Variants in HHLA1 observed in about 807,000 individuals in gnomAD.
HHLA1 encodes HERV-H LTR-associating protein 1.
In HHLA1, 72 loss-of-function variants were observed where a neutral mutation model predicts 69.9. The ratio of observed to expected loss-of-function variants is 1.03; its 90% CI spans 0.85 to 1.25. The LOEUF is 1.25. Ranked by LOEUF, HHLA1 falls within the 50% of genes most tolerant of loss-of-function variation. The pLI is 0.00. For missense variants in HHLA1, 685 were observed against 642.2 expected (o/e 1.07, Z -0.72); for synonymous variants, 252 against 233.2 (o/e 1.08, Z -0.73).
In HHLA1 at chr8:132,104,122, A is replaced by G; in HGVS notation, c.125T>C (p.Phe42Ser). Residue 42 changes from phenylalanine (F) to serine (S), a missense_variant, in exon 3 of 17, where the codon TTT becomes TCT. By Grantham distance (155) the Phe-to-Ser change is radical. Coordinates refer to ENST00000414222, the MANE Select transcript of HHLA1 (RefSeq NM_001145095.3). ...CACCCACTTACCTGTTGTAGGTAAA[A>G]AGGTCATTCCCTTCTCTTTCTTGGC... The part of the protein sequence containing the change: ...GEAKKEKGMT[F>S]LPTTVSGLRE... The G allele has an allele frequency of 6.4e-7, 1 of 1,550,892 alleles. No homozygotes were observed. The highest frequency in any genetic ancestry group is 8.7e-7 in the Non-Finnish European group (1 of 1,146,254).
At chr8:132,071,186 A>G (rs1823534135) in intron 15 of HHLA1, among the ~76,000 whole-genome samples, 154 bp downstream of exon 15, 1 of 152,198 alleles carries the variant, frequency 6.6e-6, no homozygotes. Flanking sequence ...TGTCTAGTAA[A>G]GGACTCACTG....
In HHLA1 at chr8:132,063,935, C is replaced by A; in HGVS notation, c.*60G>T. The A allele has an allele frequency of 1.1e-6, 1 of 943,982 alleles. No homozygotes were observed. The highest frequency in any genetic ancestry group is 1.7e-5 in the South Asian group (1 of 60,074). The allele number at this position is 943,982 out of a possible 1,614,324, so 58.5% of individuals were successfully genotyped here. On this transcript the variant is annotated 3_prime_UTR_variant, in exon 17 of 17. Transcript: ENST00000414222. ...AAATGTAGCCCACTTGGGACAAGAG[C>A]CAGGGTGGATGGCGTATCCCCTGAA...
intron 14 of HHLA1, 75 bp from the exon 15 acceptor site, chr8:132,071,568 C>G: frequency 7.2e-7 from 1 of 1,392,570 alleles, no homozygotes; most frequent in Non-Finnish European, 9.9e-7. Context: ...AGCCCTGCAT[C>G]AGGTGAATAT....
chr8:132,104,725 G>A (rs551143767), intron 2 of HHLA1, among the ~76,000 whole-genome samples: 1 of 152,272 alleles, frequency 6.6e-6, no homozygotes, highest in South Asian at 2.1e-4. Flanking sequence ...TGGTGAGGGA[G>A]GCAGGGTCAC....
intron 15 of HHLA1, 83 bp from the exon 16 acceptor site, chr8:132,066,051 A>G (rs1823432850): frequency 1.9e-6 from 1 of 536,422 alleles, no homozygotes. Context: ...AGGTAAGCAC[A>G]TAAACATGAA....
At chr8:132,103,277 C>A (rs1289879221) in intron 3 of HHLA1, among the ~76,000 whole-genome samples, 2 of 152,140 alleles carry the variant, frequency 1.3e-5, no homozygotes, top group East Asian at 1.9e-4. Flanking sequence ...GCTTTTGTAA[C>A]TTTTGCTATT....
At chr8:132,078,134 TG>T (rs1823678735) in intron 11 of HHLA1, among the ~76,000 whole-genome samples, 163 bp from the exon 12 acceptor site, 1 of 151,404 alleles carries the variant, frequency 6.6e-6, no homozygotes, top group Non-Finnish European at 1.5e-5. Flanking sequence ...CTGAAATAAA[TG>T]GACCAAAGTA....
At chr8:132,098,815 G>T (rs1264386473) in intron 5 of HHLA1, 67 bp downstream of exon 5, 1 of 957,134 alleles carries the variant, frequency 1.0e-6, no homozygotes, top group Non-Finnish European at 1.6e-6. Context: ...GCAACAGAAA[G>T]GTTCAGAAAA....
intron 2 of HHLA1, among the ~76,000 whole-genome samples, chr8:132,104,885 TG>T (rs1334257828): frequency 6.6e-6 from 1 of 152,098 alleles, no homozygotes; most frequent in Admixed American, 6.6e-5. Context: ...TGGTGGTGAA[TG>T]GGTCATGGAG....
At chr8:132,097,577 G>A (rs932207541) in intron 5 of HHLA1, among the ~76,000 whole-genome samples, 34 of 152,202 alleles carry the variant, frequency 2.2e-4, no homozygotes, top group African/African-American at 8.2e-4. Context: ...AGAGCCCAGT[G>A]CAGGGCCTTG....
At chr8:132,099,819 A>G (rs1256817502) in intron 4 of HHLA1, among the ~76,000 whole-genome samples, 1 of 151,826 alleles carries the variant, frequency 6.6e-6, no homozygotes, top group Non-Finnish European at 1.5e-5. Flanking sequence ...GTGCTATTGC[A>G]CTCCAGCCTG....
At position 132,105,183 on chromosome 8, in the gene HHLA1, C is replaced by A; in HGVS notation, c.79+4G>T. 1 of 1,550,046 alleles carries A rather than the reference C, an allele frequency of 6.5e-7. No individual in the cohort carries two copies. Among genetic ancestry groups the A allele is most frequent in the Non-Finnish European group, 8.7e-7 (1 of 1,145,286 alleles). ...GACACTTGCAGAACTCCAGCTAGAC[C>A]CACCTGTGTTCCAAAGGGACAAGAC... On this transcript the variant is annotated splice_donor_region_variant and intron_variant, in intron 2 of 16. Transcript: ENST00000414222.
At chr8:132,089,662 G>T in intron 7 of HHLA1, 63 bp from the exon 8 acceptor site, 1 of 811,558 alleles carries the variant, frequency 1.2e-6, no homozygotes, top group Non-Finnish European at 2.1e-6. Flanking sequence ...AAAGTATACT[G>T]TGTTTGGATT....
intron 5 of HHLA1, among the ~76,000 whole-genome samples, chr8:132,097,798 C>G (rs1824048364): frequency 6.6e-6 from 1 of 152,172 alleles, no homozygotes; most frequent in Non-Finnish European, 1.5e-5. Flanking sequence ...TTTACAGCAA[C>G]AGGCATTGGG....
At chr8:132,069,551 A>G (rs1352071456) in intron 15 of HHLA1, 2 of 152,220 alleles carry the variant, frequency 1.3e-5, no homozygotes, top group Non-Finnish European at 2.9e-5. Context: ...TCATTGCTCT[A>G]AATTTAAACT....
Position 132,079,802 on chromosome 8 carries a change from T to C in HHLA1, c.841A>G (p.Thr281Ala). 6.4e-7 allele frequency: 1 copy of C among 1,551,680 alleles called. No individual in the cohort carries two copies. Residue 281 changes from threonine (T) to alanine (A), a missense_variant, in exon 11 of 17, where the codon ACC (threonine) becomes GCC (alanine). By Grantham distance (58) the Thr-to-Ala change is moderately conservative (BLOSUM62 0). Transcript: ENST00000414222. ...TCAGGAGGCCTGCCTGTGTTCAGGGTCTCCTCTGTTTCTGAAGGAGCAGCT... is the reference window on the plus strand; with the variant it reads ...TCAGGAGGCCTGCCTGTGTTCAGGGCCTCCTCTGTTTCTGAAGGAGCAGCT... The part of the protein sequence containing the change: ...ETAAPSETEE[T>A]LNTGRPPELP...
At chr8:132,087,979 G>T in intron 8 of HHLA1, 78 bp from the exon 9 acceptor site, 1 of 1,094,548 alleles carries the variant, frequency 9.1e-7, no homozygotes, top group Non-Finnish European at 1.4e-6. Context: ...TGAAAATTAA[G>T]TTGAAAGTAC....
At chr8:132,079,999 T>C in intron 10 of HHLA1, 33 bp from the exon 11 acceptor site, 1 of 1,552,104 alleles carries the variant, frequency 6.4e-7, no homozygotes, top group Non-Finnish European at 8.7e-7. Context: ...AACATTAACA[T>C]GCTTGACACT....
At position 132,062,575 on chromosome 8, in the gene HHLA1, GA is replaced by G; in HGVS notation, c.*1419del. ...AGAAGGAGCACCAGGCACATCAGGA[GA>G]AAAACTGTCCCTGGTAATGAGAAAT... On this transcript the variant is annotated 3_prime_UTR_variant, in exon 17 of 17. Coordinates refer to ENST00000414222, the MANE Select transcript of HHLA1 (RefSeq NM_001145095.3). 6.6e-6 allele frequency: 1 copy of G among 152,434 alleles called. No homozygotes were observed. Among genetic ancestry groups the G allele is most frequent in the Non-Finnish European group, 1.5e-5 (1 of 68,138 alleles). The allele number at this position is 152,434 out of a possible 1,614,324, so 9.4% of individuals were successfully genotyped here.
Sources: allele counts gnomAD v4.1 joint callset (sites outside exome capture counted in the v4.1 genomes callset), GRCh38; gene constraint gnomAD v4.1.1; transcripts MANE v1.5; gene names NCBI Gene and HGNC (gene_info 2026-07-23, HGNC 2026-07-21).